PIK3R1: variants seen among roughly 807,000 people sequenced by gnomAD.
PIK3R1 encodes the protein phosphatidylinositol 3-kinase regulatory subunit alpha.
In PIK3R1, 29 loss-of-function variants were observed where a neutral mutation model predicts 98.0. That is an observed-to-expected ratio of 0.30 (90% confidence interval 0.22 to 0.40). PIK3R1 has a LOEUF of 0.40. PIK3R1 is among the 10% of genes least tolerant of loss of function. The pLI, the probability that PIK3R1 is intolerant of heterozygous loss-of-function variation, is 1.00. For missense variants in PIK3R1, 596 were observed against 872.7 expected, an observed-to-expected ratio of 0.68 and a Z score of 3.99; for synonymous variants, 282 against 311.8, an observed-to-expected ratio of 0.90 and a Z score of 1.01.
At chr5:68,288,542 C>T (rs1300976148) in intron 7 of PIK3R1, 2 of 1,461,652 alleles carry the variant, frequency 1.4e-6, no homozygotes, top group Non-Finnish European at 9.0e-7. Context: ...CGGAGCTGGG[C>T]CACTGTGCAC....
chr5:68,282,844 A>G (rs1746906922), intron 7 of PIK3R1, among the ~76,000 whole-genome samples: 1 of 152,188 alleles, frequency 6.6e-6, no homozygotes, highest in South Asian at 2.1e-4. Flanking sequence ...AAAAAATTAA[A>G]TCCAAGTCGG....
intron 7 of PIK3R1, among the ~76,000 whole-genome samples, chr5:68,289,905 T>C (rs896524159): frequency 6.6e-6 from 1 of 152,118 alleles, no homozygotes; most frequent in Non-Finnish European, 1.5e-5. Flanking sequence ...CCTCTTTCTT[T>C]TTGGAAGAAG....
chr5:68,216,545 G>C (rs988917712), intron 1 of PIK3R1, among the ~76,000 whole-genome samples: 1 of 152,194 alleles, frequency 6.6e-6, no homozygotes, highest in African/African-American at 2.4e-5. Context: ...AGTGCGCCTC[G>C]GGGCGGTTGG....
intron 2 of PIK3R1, among the ~76,000 whole-genome samples, chr5:68,264,621 A>G (rs1477742290): frequency 6.6e-6 from 1 of 152,248 alleles, no homozygotes; most frequent in Non-Finnish European, 1.5e-5. Context: ...CAGCAGTAGT[A>G]GTGATTTGTA....
intron 2 of PIK3R1, among the ~76,000 whole-genome samples, chr5:68,260,746 C>G (rs567684412): frequency 6.6e-6 from 1 of 152,148 alleles, no homozygotes; most frequent in African/African-American, 2.4e-5. Flanking sequence ...TCATATTGCT[C>G]TCAATTTCAT....
chr5:68,279,553 T>A (rs755603035), intron 4 of PIK3R1, 49 bp from the exon 5 acceptor site: 11 of 1,490,708 alleles, frequency 7.4e-6, no homozygotes, highest in Non-Finnish European at 1.0e-5. Flanking sequence ...GCCCAACTGA[T>A]GTATTCTATA....
chr5:68,300,584 G>A lies in PIK3R1; in HGVS notation c.*2983G>A, dbSNP rs1450747043. The A allele has an allele frequency of 4.3e-6, 1 of 233,162 alleles. No homozygotes were observed. The highest frequency in any genetic ancestry group is 5.6e-5 in the Admixed American group (1 of 17,774). 14.4% of individuals were successfully genotyped at this position (233,162 alleles called of 1,614,324 possible). A position where few individuals can be genotyped will look rare whatever the true frequency, so the allele number is the denominator to read the frequency against. On this transcript the variant is annotated 3_prime_UTR_variant, in exon 16 of 16. Transcript: ENST00000521381. Reference sequence around the variant, plus strand: ...AACCATGTGAAAAGGCAAAAAGCATGTGTTTGCAACATCTGATAACTTCAT... The same window carrying A: ...AACCATGTGAAAAGGCAAAAAGCATATGTTTGCAACATCTGATAACTTCAT...
At chr5:68,276,633 T>G (rs567082908) in intron 4 of PIK3R1, among the ~76,000 whole-genome samples, 57 of 152,268 alleles carry the variant, frequency 3.7e-4, no homozygotes, top group African/African-American at 1.2e-3. Flanking sequence ...GTTAGGCCAG[T>G]TTCAATGCAG....
chr5:68,273,630 A>G, intron 3 of PIK3R1, 148 bp downstream of exon 3: 1 of 684,586 alleles, frequency 1.5e-6, no homozygotes, highest in Non-Finnish European at 2.5e-6. Context: ...GTTTGGGGCT[A>G]AGTACTGGGA....
chr5:68,269,438 A>G (rs1169395009), intron 2 of PIK3R1, among the ~76,000 whole-genome samples: 1 of 152,226 alleles, frequency 6.6e-6, no homozygotes. Flanking sequence ...TGTTTGCTCC[A>G]TACCCCACCC....
intron 2 of PIK3R1, among the ~76,000 whole-genome samples, chr5:68,264,882 CG>C (rs1561280774): frequency 3.3e-5 from 5 of 152,160 alleles, no homozygotes. Context: ...ATACCTAATT[CG>C]TTGTGGTATC....
chr5:68,279,797 T>C, intron 5 of PIK3R1, 64 bp downstream of exon 5: 2 of 1,495,074 alleles, frequency 1.3e-6, no homozygotes, highest in Non-Finnish European at 1.9e-6. Context: ...TGCTTGTATA[T>C]GTCTTGCATA....
In PIK3R1 at chr5:68,301,384, GTGTGTGTGTATATATATATATATATA is replaced by G. The variant is rs1468186942; in HGVS notation, c.*3785_*3810del. The G allele has an allele frequency of 1.7e-4, 9 of 53,982 alleles. 1 individual carries two copies. The highest frequency in any genetic ancestry group is 3.6e-4 in the African/African-American group (5 of 14,018). 3.3% of individuals were successfully genotyped at this position (53,982 alleles called of 1,614,324 possible). Reference sequence around the variant, plus strand: ...TATATATATGTGTGTGTGTGTGTGTGTGTGTGTGTATATATATATATATATATATATATATATATATATATATATGT... The same window carrying G: ...TATATATATGTGTGTGTGTGTGTGTGTATATATATATATATATATATATGT... On this transcript the variant is annotated 3_prime_UTR_variant, in exon 16 of 16. Transcript: ENST00000521381.
intron 1 of PIK3R1, among the ~76,000 whole-genome samples, chr5:68,218,985 G>T (rs375685808): frequency 6.6e-6 from 1 of 152,118 alleles, no homozygotes; most frequent in African/African-American, 2.4e-5. Flanking sequence ...ATGCCCTAAT[G>T]TGATTACTTG....
intron 7 of PIK3R1, chr5:68,290,932 ATTAAT>A: frequency 3.9e-6 from 3 of 768,564 alleles, no homozygotes; most frequent in African/African-American, 3.6e-5. Context: ...TTCTGTTTTT[ATTAAT>A]TTGTTTCATT....
At chr5:68,268,629 G>A (rs953701306) in intron 2 of PIK3R1, among the ~76,000 whole-genome samples, 4 of 152,136 alleles carry the variant, frequency 2.6e-5, no homozygotes, top group African/African-American at 9.7e-5. Flanking sequence ...ATTTTTAGAG[G>A]TAAGTGGCAG....
chr5:68,233,732 G>C (rs575295494), intron 2 of PIK3R1, among the ~76,000 whole-genome samples: 1 of 152,120 alleles, frequency 6.6e-6, no homozygotes, highest in Non-Finnish European at 1.5e-5. Context: ...GGATAACATA[G>C]TGTATACATT....
chr5:68,301,438 G>GTA lies in PIK3R1; in HGVS notation c.*3838_*3839insAT, dbSNP rs1748082585. 1.8e-5 allele frequency: 2 copies of GTA among 112,770 alleles called. No homozygotes were observed. Among genetic ancestry groups the GTA allele is most frequent in the South Asian group, 2.6e-4 (1 of 3,790 alleles). 7.0% of individuals were successfully genotyped at this position (112,770 alleles called of 1,614,324 possible). On this transcript the variant is annotated 3_prime_UTR_variant, in exon 16 of 16. Coordinates refer to ENST00000521381, the MANE Select transcript of PIK3R1 (RefSeq NM_181523.3). The stretch of plus-strand genomic sequence containing the variant: ...TATATATATATATATATATATGTGT[G>GTA]TGTATATATATATATATGTGTATAT...
chr5:68,258,358 A>G (rs935509437), intron 2 of PIK3R1, among the ~76,000 whole-genome samples: 6 of 152,148 alleles, frequency 3.9e-5, no homozygotes, highest in African/African-American at 1.4e-4. Flanking sequence ...GAATTTGAGG[A>G]TCCTGTGTTA....
Sources: allele counts gnomAD v4.1 joint callset (sites outside exome capture counted in the v4.1 genomes callset), GRCh38; gene constraint gnomAD v4.1.1; transcripts MANE v1.5; gene names NCBI Gene and HGNC (gene_info 2026-07-23, HGNC 2026-07-21).